Variants in DIAPH3 observed in about 807,000 individuals in gnomAD.
The protein encoded by DIAPH3 is protein diaphanous homolog 3.
Under a neutral mutation model 144.3 loss-of-function variants are expected in DIAPH3, and 117 were observed. That is an observed-to-expected ratio of 0.81 (90% confidence interval 0.70 to 0.95). The LOEUF is 0.95. DIAPH3 is among the 40% of genes least tolerant of loss of function. DIAPH3 has a pLI of 0.00. For missense variants in DIAPH3, 1,421 were observed against 1,412.7 expected (o/e 1.01, Z -0.09); for synonymous variants, 519 against 488.9 (o/e 1.06, Z -0.81).
At chr13:59,714,347 G>T (rs1183835388) in intron 27 of DIAPH3, among the ~76,000 whole-genome samples, 3 of 114,002 alleles carry the variant, frequency 2.6e-5, no homozygotes, top group Non-Finnish European at 5.3e-5. Context: ...GCGACAGAGC[G>T]AGACTCCGTC....
At chr13:59,935,091 T>C (rs997044955) in intron 17 of DIAPH3, among the ~76,000 whole-genome samples, 1 of 152,230 alleles carries the variant, frequency 6.6e-6, no homozygotes, top group African/African-American at 2.4e-5. Flanking sequence ...TTTCAATAAA[T>C]GTAGTCAGTT....
intron 2 of DIAPH3, among the ~76,000 whole-genome samples, chr13:60,112,539 G>T (rs1886132718): frequency 6.6e-6 from 1 of 152,108 alleles, no homozygotes; most frequent in Non-Finnish European, 1.5e-5. Flanking sequence ...TCCCAAACTA[G>T]TACTCACTGT....
At chr13:60,049,051 A>G (rs978480682) in intron 4 of DIAPH3, among the ~76,000 whole-genome samples, 4 of 152,234 alleles carry the variant, frequency 2.6e-5, no homozygotes, top group African/African-American at 9.6e-5. Context: ...AACAAATTAT[A>G]GTATAACCAC....
At chr13:59,762,055 T>TTTTTTTTTC in intron 27 of DIAPH3, among the ~76,000 whole-genome samples, 1 of 95,196 alleles carries the variant, frequency 1.1e-5, no homozygotes, top group African/African-American at 4.9e-5. Context: ...TCAGCATCTT[T>TTTTTTTTTC]TTTTTTTTTT....
intron 27 of DIAPH3, among the ~76,000 whole-genome samples, chr13:59,674,360 C>T (rs752393535): frequency 7.2e-4 from 110 of 152,258 alleles, no homozygotes; most frequent in Non-Finnish European, 1.0e-3. Flanking sequence ...ACATAACTTT[C>T]AGGCAGAGCC....
intron 21 of DIAPH3, among the ~76,000 whole-genome samples, chr13:59,871,195 T>TTG (rs1491535370): frequency 3.9e-5 from 5 of 128,314 alleles, no homozygotes; most frequent in African/African-American, 1.2e-4. Context: ...CCATTTTTTT[T>TTG]GGGGGGGGGG....
At chr13:60,078,516 A>C (rs1055045860) in intron 4 of DIAPH3, among the ~76,000 whole-genome samples, 7 of 152,074 alleles carry the variant, frequency 4.6e-5, no homozygotes, top group African/African-American at 1.2e-4. Flanking sequence ...TCAGTTATAC[A>C]GGAAAGAATA....
chr13:59,904,971 TAA>T (rs1446308000), intron 20 of DIAPH3, among the ~76,000 whole-genome samples: 2 of 151,692 alleles, frequency 1.3e-5, no homozygotes, highest in Non-Finnish European at 2.9e-5. Context: ...ATAAGTAAAA[TAA>T]AAGTCACCAA....
intron 5 of DIAPH3, among the ~76,000 whole-genome samples, chr13:60,023,850 C>CTTTTTTTTTT (rs35707483): frequency 2.9e-5 from 2 of 68,874 alleles, no homozygotes; most frequent in Non-Finnish European, 2.5e-5. Context: ...ACTATTCAGC[C>CTTTTTTTTTT]TTTTTTTTTT....
chr13:59,696,540 T>C (rs1566189314), intron 27 of DIAPH3, among the ~76,000 whole-genome samples: 2 of 152,218 alleles, frequency 1.3e-5, no homozygotes, highest in South Asian at 2.1e-4. Context: ...GCAATCACTT[T>C]AGATCTCACT....
At chr13:60,071,564 A>C (rs975162285) in intron 4 of DIAPH3, among the ~76,000 whole-genome samples, 1 of 152,136 alleles carries the variant, frequency 6.6e-6, no homozygotes, top group African/African-American at 2.4e-5. Context: ...TAGCTTTCAG[A>C]TATTTTTATC....
At chr13:60,136,211 A>C (rs549535046) in intron 1 of DIAPH3, among the ~76,000 whole-genome samples, 28 of 152,330 alleles carry the variant, frequency 1.8e-4, no homozygotes, top group African/African-American at 6.5e-4. Context: ...TTTGTAACAC[A>C]AAAATATTGA....
chr13:60,159,671 G>A (rs1952196089), intron 1 of DIAPH3, among the ~76,000 whole-genome samples: 1 of 151,904 alleles, frequency 6.6e-6, no homozygotes, highest in South Asian at 2.1e-4. Flanking sequence ...TCTGAAGCCA[G>A]CTTGCCTAGA....
At chr13:59,895,621 C>T (rs2140145237) in intron 20 of DIAPH3, among the ~76,000 whole-genome samples, 1 of 152,202 alleles carries the variant, frequency 6.6e-6, no homozygotes, top group Non-Finnish European at 1.5e-5. Context: ...CAAAACACTA[C>T]CACCCTTTGT....
intron 24 of DIAPH3, among the ~76,000 whole-genome samples, chr13:59,824,787 T>G (rs2041283724): frequency 6.6e-6 from 1 of 152,178 alleles, no homozygotes. Context: ...AGGGATTTTT[T>G]TGTTGCCCTC....
chr13:59,666,928 A>C, intron 27 of DIAPH3, 82 bp from the exon 28 acceptor site: 1 of 1,473,924 alleles, frequency 6.8e-7, no homozygotes, highest in South Asian at 1.2e-5. Context: ...ATTTAAAATA[A>C]TTATTCTCAA....
chr13:60,085,508 G>C (rs1256937607), intron 4 of DIAPH3, among the ~76,000 whole-genome samples: 1 of 152,048 alleles, frequency 6.6e-6, no homozygotes, highest in East Asian at 1.9e-4. Flanking sequence ...TGATACCTGG[G>C]TCCCATCCAC....
At chr13:59,775,773 T>C (rs2038382471) in intron 25 of DIAPH3, among the ~76,000 whole-genome samples, 1 of 152,152 alleles carries the variant, frequency 6.6e-6, no homozygotes, top group African/African-American at 2.4e-5. Context: ...CAAAAGAGGC[T>C]CTCTGAAATC....
At chr13:60,114,965 T>C (rs998697633) in intron 2 of DIAPH3, among the ~76,000 whole-genome samples, 3 of 152,254 alleles carry the variant, frequency 2.0e-5, no homozygotes, top group Middle Eastern at 3.4e-3. Flanking sequence ...TAACTACTTA[T>C]AGCCTCCTGT....
Sources: allele counts gnomAD v4.1 joint callset (sites outside exome capture counted in the v4.1 genomes callset), GRCh38; gene constraint gnomAD v4.1.1; transcripts MANE v1.5; gene names NCBI Gene and HGNC (gene_info 2026-07-23, HGNC 2026-07-21).